The following CUTC variants were observed in gnomAD, a reference collection of about 807,000 sequenced individuals.
The protein encoded by CUTC is cutC copper transporter.
In CUTC, 27 loss-of-function variants were observed where a neutral mutation model predicts 36.2. That is an observed-to-expected ratio of 0.75 (90% CI 0.55 to 1.03). CUTC has a LOEUF of 1.03. Ranked by LOEUF, CUTC falls within the 50% of genes least tolerant of loss-of-function variation. The pLI is 0.00. For synonymous variants in CUTC, 114 were observed against 118.3 expected, an observed-to-expected ratio of 0.96 and a Z score of 0.24; for missense variants, 315 against 343.5, an observed-to-expected ratio of 0.92 and a Z score of 0.66.
At chr10:99,741,736 G>C (rs1056883727) in intron 3 of CUTC, among the ~76,000 whole-genome samples, 3 of 151,842 alleles carry the variant, frequency 2.0e-5, no homozygotes, top group Non-Finnish European at 4.4e-5. Context: ...AGCTACATTT[G>C]TTTGTTTGTT....
intron 7 of CUTC, among the ~76,000 whole-genome samples, chr10:99,753,213 G>A (rs1390739487): frequency 6.6e-6 from 1 of 152,122 alleles, no homozygotes; most frequent in Non-Finnish European, 1.5e-5. Context: ...TTTGTTAGAA[G>A]GAATAGAAGG....
intron 8 of CUTC, 58 bp from the exon 9 acceptor site, chr10:99,755,567 C>CAGT: frequency 1.9e-6 from 2 of 1,064,104 alleles, no homozygotes; most frequent in Non-Finnish European, 2.9e-6. Flanking sequence ...AATGAAGCGG[C>CAGT]AGTAGGAGGG....
chr10:99,736,161 G>A (rs2037294950), intron 1 of CUTC, 85 bp from the exon 2 acceptor site: 4 of 1,039,756 alleles, frequency 3.8e-6, no homozygotes, highest in Admixed American at 1.8e-5. Context: ...TTTGCATTTT[G>A]GCAGCAGAAT....
At position 99,747,365 on chromosome 10, in the gene CUTC, C is replaced by G; in HGVS notation, c.548C>G (p.Pro183Arg). Reference protein sequence around the residue: ...GCDSSALEGLPLIKRLIEQAK... With the variant: ...GCDSSALEGLRLIKRLIEQAK... ...GACAGTTCAGCATTAGAAGGGCTAC[C>G]CCTAATAAAGCGACTCATTGAGCAG... Residue 183 changes from proline to arginine, a missense_variant, in exon 6 of 9, where the codon CCC (proline) becomes CGC (arginine). Transcript: ENST00000370476. 6.2e-7 allele frequency: 1 copy of G among 1,614,160 alleles called. No homozygotes were observed. The highest frequency in any genetic ancestry group is 1.3e-5 in the African/African-American group (1 of 75,042).
rs770235212 is a variant in CUTC, at chr10:99,747,272, A to T, written c.455A>T (p.His152Leu). Reference sequence around the variant, plus strand: ...TTTATTTCAGCCTTTGACATGGTTCATGATCCAATGGCAGCTCTGGAGACC... The same window carrying T: ...TTTATTTCAGCCTTTGACATGGTTCTTGATCCAATGGCAGCTCTGGAGACC... ...VTFHRAFDMV[H>L]DPMAALETLL... Residue 152 changes from histidine to leucine, a missense_variant, in exon 6 of 9, where the codon CAT becomes CTT. Transcript: ENST00000370476. 2.0e-5 allele frequency: 33 copies of T among 1,613,906 alleles called. No homozygotes were observed. In the South Asian group the frequency reaches 3.5e-4, roughly 17 times the overall value.
intron 2 of CUTC, among the ~76,000 whole-genome samples, chr10:99,737,875 G>A (rs1203474678): frequency 4.6e-5 from 7 of 152,168 alleles, no homozygotes; most frequent in East Asian, 1.9e-4. Flanking sequence ...CTTGCCGGGC[G>A]CGGTGGCTCA....
chr10:99,742,161 T>C (rs1022406355), intron 3 of CUTC, among the ~76,000 whole-genome samples: 4 of 152,214 alleles, frequency 2.6e-5, no homozygotes, highest in Non-Finnish European at 5.9e-5. Context: ...CACTGCTTAA[T>C]GTCCAGTGTC....
In CUTC at chr10:99,732,299, C is replaced by G. The variant is rs985074355; in HGVS notation, c.-50C>G. The G allele has an allele frequency of 4.3e-5, 66 of 1,549,090 alleles. No individual in the cohort carries two copies. The highest frequency in any genetic ancestry group is 5.7e-5 in the Non-Finnish European group (65 of 1,146,196). On this transcript the variant is annotated 5_prime_UTR_variant, in exon 1 of 9. Transcript: ENST00000370476. ...CTTCTTAGCTGGTGCGCGCCGGAGCCCAAATTCCAAGTGGAAACTGCAGGC... is the reference window on the plus strand; with the variant it reads ...CTTCTTAGCTGGTGCGCGCCGGAGCGCAAATTCCAAGTGGAAACTGCAGGC...
chr10:99,744,847 G>A (rs190666764), intron 5 of CUTC, among the ~76,000 whole-genome samples: 55 of 152,254 alleles, frequency 3.6e-4, no homozygotes, highest in Admixed American at 5.9e-4. Flanking sequence ...TCTGCCTCCC[G>A]GGTTCAAGCA....
rs770235212 is a variant in CUTC at position 99,747,272 on chromosome 10, A to G, written c.455A>G (p.His152Arg). The part of the protein sequence containing the change: ...VTFHRAFDMV[H>R]DPMAALETLL... ...TTTATTTCAGCCTTTGACATGGTTCATGATCCAATGGCAGCTCTGGAGACC... is the reference window on the plus strand; with the variant it reads ...TTTATTTCAGCCTTTGACATGGTTCGTGATCCAATGGCAGCTCTGGAGACC... Residue 152 changes from histidine to arginine, a missense_variant, in exon 6 of 9, where the codon CAT becomes CGT. His to Arg is a conservative substitution (Grantham distance 29, BLOSUM62 0). Coordinates refer to ENST00000370476, the MANE Select transcript of CUTC (RefSeq NM_015960.3). 4 of 1,614,024 alleles carry G rather than the reference A, an allele frequency of 2.5e-6. No individual in the cohort carries two copies. The highest frequency in any genetic ancestry group is 1.6e-4 in the Middle Eastern group (1 of 6,062).
At chr10:99,755,196 C>A (rs1490663630) in intron 8 of CUTC, among the ~76,000 whole-genome samples, 5 of 151,844 alleles carry the variant, frequency 3.3e-5, no homozygotes, top group Non-Finnish European at 7.4e-5. Context: ...GTAAAAGAAG[C>A]AAGATGGCTG....
intron 5 of CUTC, among the ~76,000 whole-genome samples, chr10:99,745,955 T>G (rs2037375075): frequency 6.6e-6 from 1 of 152,252 alleles, no homozygotes; most frequent in Admixed American, 6.5e-5. Context: ...GTTAATAGAT[T>G]AATCCAAAAT....
At position 99,755,777 on chromosome 10, in the gene CUTC, A is replaced by G. The variant is rs1221127139; in HGVS notation, c.*38A>G. On this transcript the variant is annotated 3_prime_UTR_variant, in exon 9 of 9. Transcript: ENST00000370476. ...GAGAGACATGGATATCACAGGATGA[A>G]GGTAGAACTATAATCTGCAATTCTC... The G allele has an allele frequency of 7.7e-7, 1 of 1,294,894 alleles. No individual in the cohort carries two copies. Among genetic ancestry groups the G allele is most frequent in the South Asian group, 1.2e-5 (1 of 82,960 alleles). 80.2% of individuals were successfully genotyped at this position (1,294,894 alleles called of 1,614,324 possible). A position where few individuals can be genotyped will look rare whatever the true frequency, so the allele number is the denominator to read the frequency against.
intron 2 of CUTC, 58 bp from the exon 3 acceptor site, chr10:99,739,652 G>T: frequency 7.0e-7 from 1 of 1,430,500 alleles, no homozygotes; most frequent in African/African-American, 1.4e-5. Context: ...TAAACAGGTT[G>T]CTGTTTAATA....
At chr10:99,749,021 G>A (rs2037399047) in intron 6 of CUTC, among the ~76,000 whole-genome samples, 1 of 152,106 alleles carries the variant, frequency 6.6e-6, no homozygotes, top group Non-Finnish European at 1.5e-5. Flanking sequence ...AGTTTTAAAA[G>A]GTTACTCAGT....
In CUTC at chr10:99,739,636, T is replaced by A. The variant is rs979481032; in HGVS notation, c.134-74T>A. On this transcript the variant is annotated intron_variant, in intron 2 of 8. Coordinates refer to ENST00000370476, the MANE Select transcript of CUTC (RefSeq NM_015960.3). Reference sequence around the variant, plus strand: ...AAGACTGTTCTATATTTGGAAAAAATATATATAAACAGGTTGCTGTTTAAT... The same window carrying A: ...AAGACTGTTCTATATTTGGAAAAAAAATATATAAACAGGTTGCTGTTTAAT... The A allele has an allele frequency of 9.7e-6, 13 of 1,343,730 alleles. No individual in the cohort carries two copies. The African/African-American group carries it at 1.0e-4, about 11-fold the overall frequency. 83.2% of individuals were successfully genotyped at this position (1,343,730 alleles called of 1,614,324 possible). A position where few individuals can be genotyped will look rare whatever the true frequency, so the allele number is the denominator to read the frequency against.
chr10:99,744,987 G>A (rs1259535900), intron 5 of CUTC, among the ~76,000 whole-genome samples: 2 of 152,072 alleles, frequency 1.3e-5, no homozygotes, highest in Admixed American at 6.6e-5. Flanking sequence ...TCCTGACCTC[G>A]TGATCCACCC....
At chr10:99,732,574 G>A (rs2037222920) in intron 1 of CUTC, 165 bp downstream of exon 1, 1 of 1,440,330 alleles carries the variant, frequency 6.9e-7, no homozygotes, top group African/African-American at 1.4e-5. Context: ...TGGAAACGGA[G>A]GGCGTGACGA....
intron 3 of CUTC, among the ~76,000 whole-genome samples, chr10:99,740,929 A>T (rs1209638751): frequency 2.0e-5 from 3 of 152,028 alleles, no homozygotes; most frequent in Non-Finnish European, 4.4e-5. Flanking sequence ...TAGAAATTTG[A>T]GTCTTTTTAT....
Sources: gnomAD v4.1 joint callset for allele counts (sites outside exome capture counted in the v4.1 genomes callset) on GRCh38, gnomAD v4.1.1 for gene constraint, MANE v1.5 for transcripts, NCBI Gene and HGNC (gene_info 2026-07-23, HGNC 2026-07-21) for gene names.